Variants in MCM9 observed in about 807,000 individuals in gnomAD.
MCM9 encodes the protein minichromosome maintenance 9 homologous recombination repair factor.
A neutral mutation model predicts 72.8 loss-of-function variants in MCM9; 55 were observed. The observed-to-expected ratio is 0.76, with a 90% CI of 0.61 to 0.95. The LOEUF (loss-of-function observed/expected upper bound fraction) is 0.95. Ranked by LOEUF, MCM9 falls within the 40% of genes least tolerant of loss-of-function variation. The probability of loss-of-function intolerance (pLI) is 0.00; values close to 1 mark genes in which losing one functional copy is unlikely to be tolerated. For missense variants in MCM9, 1,279 were observed against 1,377.0 expected (o/e 0.93, Z 1.13); for synonymous variants, 480 against 503.4 (o/e 0.95, Z 0.62).
chr6:118,925,505 A>G (rs961773085), intron 3 of MCM9, among the ~76,000 whole-genome samples: 2 of 152,212 alleles, frequency 1.3e-5, no homozygotes, highest in Non-Finnish European at 2.9e-5. Flanking sequence ...GTGCCAGGCT[A>G]TGTTAACCTA....
In MCM9 at chr6:118,856,533, G is replaced by T. The variant is rs545524695; in HGVS notation, c.1163C>A (p.Thr388Asn). The change falls in exon 9 of 14, where the codon ACT becomes AAT. Residue 388 changes from threonine (T) to asparagine (N), a missense_variant. Transcript: ENST00000619706. The part of the protein sequence containing the change: ...IGSTSAGLTV[T>N]AVKDSGEWNL... ...CCATTCTCCTGAGTCTTTTACAGCA[G>T]TTACCGTCAGACCTGAGGAAACAAG... is the stretch of plus-strand genomic sequence containing the variant. 305 of 1,535,516 alleles carry T rather than the reference G, an allele frequency of 2.0e-4. 5 individuals are homozygous for T. In the South Asian group the frequency reaches 2.6e-3, roughly 13 times the overall value.
chr6:118,839,617 G>A (rs921680915), intron 9 of MCM9, among the ~76,000 whole-genome samples: 1 of 152,120 alleles, frequency 6.6e-6, no homozygotes, highest in Non-Finnish European at 1.5e-5. Flanking sequence ...ATGTGTGGAC[G>A]TCCTTTTTGT....
At chr6:118,871,012 T>C (rs1333956781) in intron 8 of MCM9, among the ~76,000 whole-genome samples, 1 of 152,132 alleles carries the variant, frequency 6.6e-6, no homozygotes, top group Non-Finnish European at 1.5e-5. Context: ...TGGCTGAATT[T>C]TACCAAACAT....
At chr6:118,931,073 C>T (rs116531433) in intron 3 of MCM9, among the ~76,000 whole-genome samples, 64 of 152,316 alleles carry the variant, frequency 4.2e-4, no homozygotes, top group African/African-American at 1.5e-3. Flanking sequence ...TGGACAAGAT[C>T]TATCACTTTT....
intron 13 of MCM9, among the ~76,000 whole-genome samples, chr6:118,822,106 C>A (rs1182537674): frequency 2.6e-5 from 4 of 152,146 alleles, no homozygotes; most frequent in Non-Finnish European, 4.4e-5. Context: ...TTATTACCCA[C>A]CTTCTGAAGC....
At chr6:118,917,836 A>G in intron 5 of MCM9, 75 bp from the exon 6 acceptor site, 9 of 1,271,422 alleles carry the variant, frequency 7.1e-6, no homozygotes, top group Non-Finnish European at 1.0e-5. Flanking sequence ...ACAAAGGACC[A>G]GAAATTAGAA....
intron 13 of MCM9, among the ~76,000 whole-genome samples, chr6:118,822,971 C>G (rs537976833): frequency 1.3e-5 from 2 of 152,240 alleles, no homozygotes; most frequent in Admixed American, 6.5e-5. Context: ...CCTACAAGCT[C>G]GATCATCCCA....
intron 8 of MCM9, among the ~76,000 whole-genome samples, chr6:118,899,549 TG>T (rs1260250403): frequency 1.3e-5 from 2 of 152,182 alleles, no homozygotes; most frequent in Non-Finnish European, 2.9e-5. Context: ...ACCCTGCATC[TG>T]GAAGTGTGCT....
At chr6:118,848,934 C>G (rs944353154) in intron 9 of MCM9, among the ~76,000 whole-genome samples, 5 of 148,746 alleles carry the variant, frequency 3.4e-5, no homozygotes, top group African/African-American at 1.3e-4. Flanking sequence ...AAAAAAAAAG[C>G]AAACCTTCCT....
At position 118,903,151 on chromosome 6, in the gene MCM9, G is replaced by A. The variant is rs532473006; in HGVS notation, c.1150+8499C>T. Among the ~76,000 whole-genome samples the A allele has an allele frequency of 2.0e-4, 30 of 152,164 alleles. No individual in the cohort carries two copies. In the Middle Eastern group the frequency reaches 0.02, roughly 104 times the overall value. Reference sequence around the variant, plus strand: ...CATGCCTAGAACCAATTTACTGAAGGGAACCAATTTACTGAAGGGAAGGGG... The same window carrying A: ...CATGCCTAGAACCAATTTACTGAAGAGAACCAATTTACTGAAGGGAAGGGG... On this transcript the variant is annotated intron_variant, in intron 8 of 13. Coordinates refer to ENST00000619706, the MANE Select transcript of MCM9 (RefSeq NM_017696.3).
chr6:118,906,082 T>C (rs1780159148), intron 8 of MCM9, among the ~76,000 whole-genome samples: 1 of 152,166 alleles, frequency 6.6e-6, no homozygotes, highest in African/African-American at 2.4e-5. Flanking sequence ...AAGTACCTCT[T>C]TTTTTTCTGA....
chr6:118,848,789 T>C (rs1324071084), intron 9 of MCM9, among the ~76,000 whole-genome samples: 3 of 151,996 alleles, frequency 2.0e-5, no homozygotes, highest in Non-Finnish European at 4.4e-5. Flanking sequence ...CCAGGCATGG[T>C]AGCGTGTGTC....
chr6:118,884,752 A>G (rs1386843499), intron 8 of MCM9, among the ~76,000 whole-genome samples: 5 of 152,240 alleles, frequency 3.3e-5, no homozygotes, highest in Admixed American at 3.3e-4. Flanking sequence ...GTAAATATCA[A>G]TGAGAAAGCC....
intron 6 of MCM9, among the ~76,000 whole-genome samples, chr6:118,915,977 A>C (rs147022417): frequency 4.3e-4 from 65 of 152,298 alleles, no homozygotes; most frequent in African/African-American, 1.5e-3. Context: ...AAGAGGTAGA[A>C]CTGAGCTGTG....
intron 1 of MCM9, among the ~76,000 whole-genome samples, chr6:118,933,190 G>A (rs1017579049): frequency 6.6e-6 from 1 of 152,118 alleles, no homozygotes; most frequent in Non-Finnish European, 1.5e-5. Context: ...TTAGAAACCA[G>A]CTGTCCAAAT....
chr6:118,876,743 C>T (rs531991915), intron 8 of MCM9, among the ~76,000 whole-genome samples: 2 of 152,226 alleles, frequency 1.3e-5, no homozygotes, highest in South Asian at 4.1e-4. Context: ...ATTTGCAAAT[C>T]CTTTATCTGA....
intron 8 of MCM9, chr6:118,900,951 T>C (rs755855725): frequency 5.5e-6 from 6 of 1,092,234 alleles, no homozygotes; most frequent in African/African-American, 3.1e-5. Flanking sequence ...TATTATCTTA[T>C]AACCCTTATC....
chr6:118,837,805 CTT>C (rs1179642831), intron 9 of MCM9, among the ~76,000 whole-genome samples: 2 of 152,122 alleles, frequency 1.3e-5, no homozygotes, highest in Admixed American at 6.5e-5. Flanking sequence ...GATCTTGACT[CTT>C]TATCCAATTT....
intron 8 of MCM9, among the ~76,000 whole-genome samples, chr6:118,897,613 T>C (rs1779516083): frequency 6.6e-6 from 1 of 152,150 alleles, no homozygotes; most frequent in South Asian, 2.1e-4. Context: ...CTAAAAATTC[T>C]CTTGATGACT....
Sources: allele counts gnomAD v4.1 joint callset (sites outside exome capture counted in the v4.1 genomes callset), GRCh38; gene constraint gnomAD v4.1.1; transcripts MANE v1.5; gene names NCBI Gene and HGNC (gene_info 2026-07-23, HGNC 2026-07-21).